Variants in OTUD1 observed in about 807,000 individuals in gnomAD.
The protein encoded by OTUD1 is OTU domain-containing protein 1.
In OTUD1, 15 loss-of-function variants were observed where a neutral mutation model predicts 30.0. The ratio of observed to expected loss-of-function variants is 0.50; its 90% CI spans 0.33 to 0.77. OTUD1 has a LOEUF of 0.77. OTUD1 is among the 30% of genes least tolerant of loss of function. OTUD1 has a pLI of 0.02. For synonymous variants in OTUD1, 381 were observed against 326.3 expected, an observed-to-expected ratio of 1.17 and a Z score of -1.81; for missense variants, 796 against 697.8, an observed-to-expected ratio of 1.14 and a Z score of -1.59.
chr10:23,440,249 C>T lies in OTUD1; in HGVS notation c.792C>T (p.Ala264=), dbSNP rs1451752731. 1 of 1,543,192 alleles carries T rather than the reference C, an allele frequency of 6.5e-7. No homozygotes were observed. Among genetic ancestry groups the T allele is most frequent in the Non-Finnish European group, 8.8e-7 (1 of 1,141,684 alleles). The part of the protein sequence containing the change: ...RPDPEAEAPP[A]GSIEAAPSSA... The stretch of plus-strand genomic sequence containing the variant: ...ACCCAGAGGCCGAGGCACCCCCCGC[C>T]GGGAGCATCGAGGCCGCCCCGAGTA... The change falls in exon 1 of 1, where the codon GCC becomes GCT. Residue 264 remains alanine, a synonymous_variant. Coordinates refer to ENST00000376495, the MANE Select transcript of OTUD1 (RefSeq NM_001145373.3).
Position 23,441,670 on chromosome 10 carries a change from G to T in OTUD1, c.*767G>T, listed in dbSNP as rs1202254656. 6.0e-6 allele frequency: 1 copy of T among 166,766 alleles called. No individual in the cohort carries two copies. The highest frequency in any genetic ancestry group is 1.5e-5 in the Non-Finnish European group (1 of 68,088). The allele number at this position is 166,766 out of a possible 1,614,324, so 10.3% of individuals were successfully genotyped here. ...TTGCTGATGGCAGAATGATTATTCT[G>T]TACCCTGGTTGATGTGTAGAGTAGA... On this transcript the variant is annotated 3_prime_UTR_variant, in exon 1 of 1. Transcript: ENST00000376495.
At position 23,442,263 on chromosome 10, in the gene OTUD1, T is replaced by C. The variant is rs1033142230; in HGVS notation, c.*1360T>C. Reference sequence around the variant, plus strand: ...GTATGCATGTACACAATTTTTTTTTTCCATAAAGATGCCACAGCAATAGAG... The same window carrying C: ...GTATGCATGTACACAATTTTTTTTTCCCATAAAGATGCCACAGCAATAGAG... On this transcript the variant is annotated 3_prime_UTR_variant, in exon 1 of 1. Transcript: ENST00000376495. 2 of 167,052 alleles carry C rather than the reference T, an allele frequency of 1.2e-5. No individual in the cohort carries two copies. Among genetic ancestry groups the C allele is most frequent in the African/African-American group, 2.4e-5 (1 of 41,410 alleles). The allele number at this position is 167,052 out of a possible 1,614,324, so 10.3% of individuals were successfully genotyped here.
Position 23,441,630 on chromosome 10 carries a change from A to G in OTUD1, c.*727A>G, listed in dbSNP as rs934636620. 1.2e-5 allele frequency: 2 copies of G among 166,834 alleles called. No homozygotes were observed. Among genetic ancestry groups the G allele is most frequent in the Non-Finnish European group, 2.9e-5 (2 of 68,108 alleles). The allele number at this position is 166,834 out of a possible 1,614,324, so 10.3% of individuals were successfully genotyped here. A position where few individuals can be genotyped will look rare whatever the true frequency, so the allele number is the denominator to read the frequency against. On this transcript the variant is annotated 3_prime_UTR_variant, in exon 1 of 1. Transcript: ENST00000376495. Reference sequence around the variant, plus strand: ...AGGGATAGTAGCAGGTCTTACTTGAATGAAAGTCTGATATTTGCTGATGGC... The same window carrying G: ...AGGGATAGTAGCAGGTCTTACTTGAGTGAAAGTCTGATATTTGCTGATGGC...
In OTUD1 at chr10:23,439,854, C is replaced by G; in HGVS notation, c.397C>G (p.Pro133Ala). Residue 133 changes from proline to alanine, a missense_variant, in exon 1 of 1, where the codon CCC becomes GCC. Coordinates refer to ENST00000376495, the MANE Select transcript of OTUD1 (RefSeq NM_001145373.3). ...RLLLHGPDPV[P>A]GAAGSAAAPR... ...CCTGCTGCACGGGCCCGATCCCGTT[C>G]CCGGCGCCGCGGGCTCCGCCGCTGC... 8.9e-7 allele frequency: 1 copy of G among 1,118,580 alleles called. No homozygotes were observed. Among genetic ancestry groups the G allele is most frequent in the Non-Finnish European group, 1.1e-6 (1 of 917,732 alleles). The allele number at this position is 1,118,580 out of a possible 1,614,324, so 69.3% of individuals were successfully genotyped here.
At position 23,439,376 on chromosome 10, in the gene OTUD1, GC is replaced by G; in HGVS notation, c.-77del. 1.7e-6 allele frequency: 2 copies of G among 1,161,562 alleles called. No homozygotes were observed. The highest frequency in any genetic ancestry group is 3.5e-5 in the South Asian group (1 of 28,728). The allele number at this position is 1,161,562 out of a possible 1,614,324, so 72.0% of individuals were successfully genotyped here. On this transcript the variant is annotated 5_prime_UTR_variant, in exon 1 of 1. Coordinates refer to ENST00000376495, the MANE Select transcript of OTUD1 (RefSeq NM_001145373.3). ...GCCGTTGGGTCACCGCGCTCCGCCGGCCCCCTCCCCCGGGCCCGGAGGGTGT... is the reference window on the plus strand; with the variant it reads ...GCCGTTGGGTCACCGCGCTCCGCCGGCCCCTCCCCCGGGCCCGGAGGGTGT...
chr10:23,439,588 C>A lies in OTUD1; in HGVS notation c.131C>A (p.Ala44Asp). The A allele has an allele frequency of 1.5e-6, 2 of 1,367,536 alleles. No homozygotes were observed. Among genetic ancestry groups the A allele is most frequent in the Non-Finnish European group, 1.9e-6 (2 of 1,055,740 alleles). The allele number at this position is 1,367,536 out of a possible 1,614,324, so 84.7% of individuals were successfully genotyped here. A position where few individuals can be genotyped will look rare whatever the true frequency, so the allele number is the denominator to read the frequency against. The change falls in exon 1 of 1, where the codon GCC becomes GAC. Residue 44 changes from alanine (A) to aspartate (D), a missense_variant. Transcript: ENST00000376495. ...VSLQPPGAAGAAPEPETGECQ... is the reference protein window; with the variant it reads ...VSLQPPGAAGDAPEPETGECQ... Reference sequence around the variant, plus strand: ...CTGCAGCCCCCGGGAGCCGCCGGCGCCGCGCCCGAGCCCGAGACCGGTGAG... The same window carrying A: ...CTGCAGCCCCCGGGAGCCGCCGGCGACGCGCCCGAGCCCGAGACCGGTGAG...
rs1205288574 is a variant in OTUD1 at position 23,441,560 on chromosome 10, T to A, written c.*657T>A. On this transcript the variant is annotated 3_prime_UTR_variant, in exon 1 of 1. Transcript: ENST00000376495. ...TAATGGAAGGTTGTGGGAAGGTGTT[T>A]TTTTGTGTTTTTTTTTTGGTTTTTG... The A allele has an allele frequency of 6.1e-6, 1 of 164,036 alleles. No individual in the cohort carries two copies. The highest frequency in any genetic ancestry group is 2.6e-5 in the African/African-American group (1 of 39,190). 10.2% of individuals were successfully genotyped at this position (164,036 alleles called of 1,614,324 possible). A position where few individuals can be genotyped will look rare whatever the true frequency, so the allele number is the denominator to read the frequency against.
chr10:23,439,676 C>T lies in OTUD1; in HGVS notation c.219C>T (p.Pro73=). ...EAAAVPAAKM[P]AFSSCFEVVS... ...CCGCTGTCCCCGCCGCCAAGATGCCCGCCTTCTCCTCCTGCTTCGAGGTGG... is the reference window on the plus strand; with the variant it reads ...CCGCTGTCCCCGCCGCCAAGATGCCTGCCTTCTCCTCCTGCTTCGAGGTGG... The change falls in exon 1 of 1, where the codon CCC becomes CCT. Residue 73 remains proline, a synonymous_variant. Transcript: ENST00000376495. The T allele has an allele frequency of 2.3e-6, 3 of 1,293,946 alleles. No individual in the cohort carries two copies. The highest frequency in any genetic ancestry group is 2.0e-6 in the Non-Finnish European group (2 of 1,013,300). The allele number at this position is 1,293,946 out of a possible 1,614,324, so 80.2% of individuals were successfully genotyped here.
rs954328218 is a variant in OTUD1 at position 23,439,466 on chromosome 10, C to T, written c.9C>T (p.Leu3=). Reference sequence around the variant, plus strand: ...GAGCGGCGGGCAGGGACATGCAGCTCTACAGCAGCGTCTGCACCCACTACC... The same window carrying T: ...GAGCGGCGGGCAGGGACATGCAGCTTTACAGCAGCGTCTGCACCCACTACC... MQ[L]YSSVCTHYPA... The change falls in exon 1 of 1, where the codon CTC becomes CTT. Residue 3 remains leucine, a synonymous_variant. Transcript: ENST00000376495. 3 of 1,338,918 alleles carry T rather than the reference C, an allele frequency of 2.2e-6. No homozygotes were observed. The highest frequency in any genetic ancestry group is 3.1e-5 in the African/African-American group (2 of 65,026). 82.9% of individuals were successfully genotyped at this position (1,338,918 alleles called of 1,614,324 possible).
Position 23,439,738 on chromosome 10 carries a change from GCC to G in OTUD1, c.283_284del (p.Pro95AlafsTer178). 1 of 1,168,522 alleles carries G rather than the reference GCC, an allele frequency of 8.6e-7. No individual in the cohort carries two copies. The highest frequency in any genetic ancestry group is 3.3e-5 in the South Asian group (1 of 30,130). The allele number at this position is 1,168,522 out of a possible 1,614,324, so 72.4% of individuals were successfully genotyped here. ...GCCGCGCCCGCCTCCGCCGCCGCCGGCCCGCCCGGCGCGTCCTGCAAGCCGCC... is the reference window on the plus strand; with the variant it reads ...GCCGCGCCCGCCTCCGCCGCCGCCGGCGCCCGGCGCGTCCTGCAAGCCGCC... On this transcript the variant is annotated frameshift_variant, in exon 1 of 1. Transcript: ENST00000376495. LOFTEE classifies it high-confidence loss of function.
chr10:23,440,164 G>A lies in OTUD1; in HGVS notation c.707G>A (p.Gly236Asp), dbSNP rs944492555. 3.4e-6 allele frequency: 5 copies of A among 1,452,772 alleles called. No homozygotes were observed. In the African/African-American group the frequency reaches 4.4e-5, roughly 13 times the overall value. The allele number at this position is 1,452,772 out of a possible 1,614,324, so 90.0% of individuals were successfully genotyped here. Residue 236 changes from glycine (G) to aspartate (D), a missense_variant, in exon 1 of 1, where the codon GGC becomes GAC. Gly to Asp is a moderately conservative substitution (Grantham distance 94). Coordinates refer to ENST00000376495, the MANE Select transcript of OTUD1 (RefSeq NM_001145373.3). ...CACTTGGCGGAGAGGGGCCCCAGGGGCTGGGAGAGGGGCGGCGATCGCTGC... is the reference window on the plus strand; with the variant it reads ...CACTTGGCGGAGAGGGGCCCCAGGGACTGGGAGAGGGGCGGCGATCGCTGC... Reference protein sequence around the residue: ...EEHLAERGPRGWERGGDRCDA... With the variant: ...EEHLAERGPRDWERGGDRCDA...
rs1300402396 is a variant in OTUD1 at position 23,442,228 on chromosome 10, T to G, written c.*1325T>G. ...TTAAATTGTGATGTTTGTAGGAAAC[T>G]TTCTTGCATGTATGCATGTACACAA... is the stretch of plus-strand genomic sequence containing the variant. On this transcript the variant is annotated 3_prime_UTR_variant, in exon 1 of 1. Transcript: ENST00000376495. The G allele has an allele frequency of 1.2e-5, 2 of 166,986 alleles. No individual in the cohort carries two copies. The highest frequency in any genetic ancestry group is 1.3e-4 in the Admixed American group (2 of 15,280). 10.3% of individuals were successfully genotyped at this position (166,986 alleles called of 1,614,324 possible). A position where few individuals can be genotyped will look rare whatever the true frequency, so the allele number is the denominator to read the frequency against.
At position 23,439,726 on chromosome 10, in the gene OTUD1, C is replaced by G. The variant is rs1182699055; in HGVS notation, c.269C>G (p.Ser90Cys). Reference protein sequence around the residue: ...EVVSGAAAPASAAAGPPGASC... With the variant: ...EVVSGAAAPACAAAGPPGASC... ...GTGTCCGGGGCCGCCGCGCCCGCCTCCGCCGCCGCCGGCCCGCCCGGCGCG... is the reference window on the plus strand; with the variant it reads ...GTGTCCGGGGCCGCCGCGCCCGCCTGCGCCGCCGCCGGCCCGCCCGGCGCG... Residue 90 changes from serine (S) to cysteine (C), a missense_variant, in exon 1 of 1, where the codon TCC becomes TGC. By Grantham distance (112) the Ser-to-Cys change is moderately radical (BLOSUM62 -1). Transcript: ENST00000376495. 2 of 1,175,288 alleles carry G rather than the reference C, an allele frequency of 1.7e-6. No homozygotes were observed. Among genetic ancestry groups the G allele is most frequent in the Non-Finnish European group, 2.1e-6 (2 of 955,710 alleles). The allele number at this position is 1,175,288 out of a possible 1,614,324, so 72.8% of individuals were successfully genotyped here.
rs913806808 is a variant in OTUD1 at position 23,441,690 on chromosome 10, A to G, written c.*787A>G. The G allele has an allele frequency of 6.0e-6, 1 of 166,906 alleles. No individual in the cohort carries two copies. The highest frequency in any genetic ancestry group is 2.4e-5 in the African/African-American group (1 of 41,380). 10.3% of individuals were successfully genotyped at this position (166,906 alleles called of 1,614,324 possible). On this transcript the variant is annotated 3_prime_UTR_variant, in exon 1 of 1. Coordinates refer to ENST00000376495, the MANE Select transcript of OTUD1 (RefSeq NM_001145373.3). ...ATTCTGTACCCTGGTTGATGTGTAG[A>G]GTAGATTGTCTGGTGCTCTCAGTTG...
At position 23,440,382 on chromosome 10, in the gene OTUD1, A is replaced by G; in HGVS notation, c.925A>G (p.Lys309Glu). Reference sequence around the variant, plus strand: ...GGACAAGTATCTGCGGCAGAGGAATAAGTACCGATTCCACATCATTCCAGA... The same window carrying G: ...GGACAAGTATCTGCGGCAGAGGAATGAGTACCGATTCCACATCATTCCAGA... ...KQDKYLRQRN[K>E]YRFHIIPDGN... is the part of the protein sequence containing the mutation. The change falls in exon 1 of 1, where the codon AAG becomes GAG. Residue 309 changes from lysine (K) to glutamate (E), a missense_variant. Transcript: ENST00000376495. The G allele has an allele frequency of 6.4e-7, 1 of 1,551,584 alleles. No homozygotes were observed. Among genetic ancestry groups the G allele is most frequent in the Non-Finnish European group, 8.7e-7 (1 of 1,146,990 alleles).
Position 23,439,725 on chromosome 10 carries a change from T to TCCG in OTUD1, c.278_280dup (p.Ala93dup), listed in dbSNP as rs765397206. 9.4e-6 allele frequency: 11 copies of TCCG among 1,174,972 alleles called. No homozygotes were observed. The highest frequency in any genetic ancestry group is 3.3e-5 in the South Asian group (1 of 30,662). 72.8% of individuals were successfully genotyped at this position (1,174,972 alleles called of 1,614,324 possible). A position where few individuals can be genotyped will look rare whatever the true frequency, so the allele number is the denominator to read the frequency against. ...GGTGTCCGGGGCCGCCGCGCCCGCC[T>TCCG]CCGCCGCCGCCGGCCCGCCCGGCGC... On this transcript the variant is annotated inframe_insertion, in exon 1 of 1. Transcript: ENST00000376495.
rs1215103370 is a variant in OTUD1, at chr10:23,440,595, G to C, written c.1138G>C (p.Glu380Gln). 1 of 1,551,750 alleles carries C rather than the reference G, an allele frequency of 6.4e-7. No homozygotes were observed. The highest frequency in any genetic ancestry group is 1.2e-5 in the South Asian group (1 of 84,068). ...AQDGAWAGYP[E>Q]LLAMGQMLNV... ...AGACGGGGCATGGGCCGGGTACCCG[G>C]AGTTGCTGGCCATGGGGCAGATGCT... The change falls in exon 1 of 1, where the codon GAG becomes CAG. Residue 380 changes from glutamate to glutamine, a missense_variant. Physicochemically the swap from Glu to Gln is conservative, Grantham distance 29 (BLOSUM62 2). Coordinates refer to ENST00000376495, the MANE Select transcript of OTUD1 (RefSeq NM_001145373.3).
Position 23,439,814 on chromosome 10 carries a change from G to T in OTUD1, c.357G>T (p.Leu119=). 1.8e-6 allele frequency: 2 copies of T among 1,126,046 alleles called. No individual in the cohort carries two copies. Among genetic ancestry groups the T allele is most frequent in the Non-Finnish European group, 2.2e-6 (2 of 923,658 alleles). The allele number at this position is 1,126,046 out of a possible 1,614,324, so 69.8% of individuals were successfully genotyped here. ...TSTAQITVRA[L]GADRLLLHGP... ...CCGCACAGATCACCGTGCGGGCCCT[G>T]GGCGCCGACAGGCTCCTGCTGCACG... The change falls in exon 1 of 1, where the codon CTG becomes CTT. Residue 119 remains leucine, a synonymous_variant. Coordinates refer to ENST00000376495, the MANE Select transcript of OTUD1 (RefSeq NM_001145373.3).
Position 23,440,158 on chromosome 10 carries a change from C to T in OTUD1, c.701C>T (p.Pro234Leu), listed in dbSNP as rs983325408. 2.7e-5 allele frequency: 39 copies of T among 1,444,874 alleles called. No homozygotes were observed. The highest frequency in any genetic ancestry group is 3.4e-5 in the Non-Finnish European group (38 of 1,103,758). 89.5% of individuals were successfully genotyped at this position (1,444,874 alleles called of 1,614,324 possible). A position where few individuals can be genotyped will look rare whatever the true frequency, so the allele number is the denominator to read the frequency against. The change falls in exon 1 of 1, where the codon CCC becomes CTC. Residue 234 changes from proline (P) to leucine (L), a missense_variant. Pro to Leu is a moderately conservative substitution (Grantham distance 98). Transcript: ENST00000376495. ...GAAGAGCACTTGGCGGAGAGGGGCC[C>T]CAGGGGCTGGGAGAGGGGCGGCGAT... is the stretch of plus-strand genomic sequence containing the variant. ...WGEEHLAERGPRGWERGGDRC... is the reference protein window; with the variant it reads ...WGEEHLAERGLRGWERGGDRC...
Sources: gnomAD v4.1 joint callset for allele counts on GRCh38, gnomAD v4.1.1 for gene constraint, MANE v1.5 for transcripts, NCBI Gene and HGNC (gene_info 2026-07-23, HGNC 2026-07-21) for gene names.